Variants in PRKCZ observed in about 807,000 individuals in gnomAD.
The protein encoded by PRKCZ is protein kinase C zeta.
A neutral mutation model predicts 79.5 loss-of-function variants in PRKCZ; 33 were observed. That is an observed-to-expected ratio of 0.41 (90% CI 0.31 to 0.55). PRKCZ has a LOEUF of 0.55. PRKCZ is among the 20% of genes least tolerant of loss of function. The probability of loss-of-function intolerance (pLI) is 0.19; values close to 1 mark genes in which losing one functional copy is unlikely to be tolerated. For missense variants in PRKCZ, 578 were observed against 813.5 expected (o/e 0.71, Z 3.52); for synonymous variants, 342 against 320.9 (o/e 1.07, Z -0.70).
chr1:2,091,780 G>A (rs17232167), intron 4 of PRKCZ, among the ~76,000 whole-genome samples: 15,015 of 152,142 alleles, frequency 0.099, 915 homozygotes, highest in Middle Eastern at 0.15. Context: ...TGTTCCATGC[G>A]GACCCACCGA....
intron 4 of PRKCZ, among the ~76,000 whole-genome samples, chr1:2,086,538 G>A (rs1005242773): frequency 6.6e-6 from 1 of 152,192 alleles, no homozygotes; most frequent in Middle Eastern, 3.2e-3. Flanking sequence ...GCTCGCATCC[G>A]GGCAGCAGGC....
At chr1:2,122,138 C>CACG (rs1168064383) in intron 4 of PRKCZ, among the ~76,000 whole-genome samples, 19 of 4,048 alleles carry the variant, frequency 4.7e-3, no homozygotes, top group Non-Finnish European at 5.6e-3. Flanking sequence ...TGGTTAGGGT[C>CACG]GTGGTGGTTA....
intron 5 of PRKCZ, 55 bp from the exon 6 acceptor site, chr1:2,144,155 C>G: frequency 1.9e-6 from 3 of 1,538,822 alleles, no homozygotes; most frequent in Non-Finnish European, 2.6e-6. Flanking sequence ...CCTGCCTGTC[C>G]TCTCCGCTGG....
Position 2,151,309 on chromosome 1 carries a change from AG to A in PRKCZ, c.876+335del, listed in dbSNP as rs570368965. The stretch of plus-strand genomic sequence containing the variant: ...AGTGCACTGCACACTGCAGGCAGTG[AG>A]GGGACCACCACGAGAGCACTCACGT... On this transcript the variant is annotated intron_variant, in intron 9 of 17. Transcript: ENST00000378567. Among the ~76,000 whole-genome samples the A allele has an allele frequency of 2.3e-3, 358 of 152,382 alleles. 1 individual carries two copies. Among genetic ancestry groups the A allele is most frequent in the African/African-American group, 8.1e-3 (336 of 41,606 alleles).
intron 4 of PRKCZ, among the ~76,000 whole-genome samples, chr1:2,067,247 C>T (rs1242908922): frequency 2.6e-5 from 4 of 152,176 alleles, no homozygotes; most frequent in African/African-American, 7.2e-5. Context: ...GCTGTGGGTA[C>T]AGCGCTCTGC....
chr1:2,109,558 C>G (rs963773729), intron 4 of PRKCZ, among the ~76,000 whole-genome samples: 2 of 152,204 alleles, frequency 1.3e-5, no homozygotes, highest in African/African-American at 2.4e-5. Flanking sequence ...AGGTGTGGGT[C>G]CGGCTGTGGG....
At chr1:2,087,493 A>T (rs374083027) in intron 4 of PRKCZ, among the ~76,000 whole-genome samples, 1 of 152,258 alleles carries the variant, frequency 6.6e-6, no homozygotes, top group African/African-American at 2.4e-5. Flanking sequence ...GCACCTGTGG[A>T]TGGCATCCCG....
chr1:2,060,653 C>T (rs1660591854), intron 4 of PRKCZ, among the ~76,000 whole-genome samples: 2 of 152,248 alleles, frequency 1.3e-5, no homozygotes, highest in African/African-American at 4.8e-5. Context: ...GGGGTCCCTG[C>T]ACCGTGGCCG....
intron 5 of PRKCZ, among the ~76,000 whole-genome samples, chr1:2,138,067 C>G (rs999408990): frequency 6.6e-6 from 1 of 152,206 alleles, no homozygotes; most frequent in Admixed American, 6.5e-5. Flanking sequence ...ACCTCAGAGC[C>G]GCTCCATGTA....
intron 4 of PRKCZ, among the ~76,000 whole-genome samples, chr1:2,068,682 T>A (rs1225815708): frequency 1.3e-5 from 2 of 152,248 alleles, no homozygotes; most frequent in Non-Finnish European, 2.9e-5. Context: ...CATCAAGGTC[T>A]GCCTCTGATC....
chr1:2,107,728 T>C (rs1006957478), intron 4 of PRKCZ, among the ~76,000 whole-genome samples: 1 of 152,046 alleles, frequency 6.6e-6, no homozygotes, highest in Non-Finnish European at 1.5e-5. Context: ...CTCCGGCCTG[T>C]GCCTCTCCGG....
chr1:2,123,823 G>A (rs867045326), intron 4 of PRKCZ, among the ~76,000 whole-genome samples: 12 of 11,156 alleles, frequency 1.1e-3, no homozygotes, highest in Middle Eastern at 0.036. Flanking sequence ...TCACGGCGGT[G>A]GTTAGGGTCA....
At chr1:2,176,437 G>A (rs1303165144) in intron 16 of PRKCZ, among the ~76,000 whole-genome samples, 1 of 152,180 alleles carries the variant, frequency 6.6e-6, no homozygotes, top group African/African-American at 2.4e-5. Flanking sequence ...CTCCACCTAG[G>A]ATGTTTCCAG....
At chr1:2,115,977 G>A (rs1246484587) in intron 4 of PRKCZ, among the ~76,000 whole-genome samples, 1 of 152,218 alleles carries the variant, frequency 6.6e-6, no homozygotes, top group Non-Finnish European at 1.5e-5. Context: ...TCTCTGGACC[G>A]TGGGCTGTGG....
intron 8 of PRKCZ, among the ~76,000 whole-genome samples, chr1:2,150,161 CAAAAAAAAAAA>C (rs750010192): frequency 4.3e-5 from 2 of 46,708 alleles, no homozygotes; most frequent in Non-Finnish European, 4.5e-5. Context: ...GACTCCGTCT[CAAAAAAAAAAA>C]AAAAAAAAAA....
In PRKCZ at chr1:2,082,302, G is replaced by C; in HGVS notation, c.334+22711G>C. On this transcript the variant is annotated intron_variant, in intron 4 of 17. Transcript: ENST00000378567. The surrounding 1 kb of genome is among the most constrained non-coding windows in gnomAD (Gnocchi z 4.4). ...ATCACACGTGCAGGAGCTGGGGGCTGCCAGAGCGGCTGTTCAAGATGGACT... is the reference window on the plus strand; with the variant it reads ...ATCACACGTGCAGGAGCTGGGGGCTCCCAGAGCGGCTGTTCAAGATGGACT... The C allele has an allele frequency of 2.2e-6, 1 of 446,480 alleles. No individual in the cohort carries two copies. Among genetic ancestry groups the C allele is most frequent in the Non-Finnish European group, 4.5e-6 (1 of 221,922 alleles). The allele number at this position is 446,480 out of a possible 1,614,324, so 27.7% of individuals were successfully genotyped here.
At chr1:2,051,560 G>A (rs1571058094) in intron 1 of PRKCZ, among the ~76,000 whole-genome samples, 1 of 152,354 alleles carries the variant, frequency 6.6e-6, no homozygotes, top group Non-Finnish European at 1.5e-5. Flanking sequence ...CAGAATGCGG[G>A]CTCCGGACTT....
At chr1:2,095,610 G>A (rs1287630586) in intron 4 of PRKCZ, among the ~76,000 whole-genome samples, 1 of 151,994 alleles carries the variant, frequency 6.6e-6, no homozygotes, top group East Asian at 1.9e-4. Flanking sequence ...GGTGCCGGCC[G>A]GCTGTGCCCA....
Position 2,174,710 on chromosome 1 carries a change from G to A in PRKCZ, c.1406-44G>A. On this transcript the variant is annotated intron_variant, in intron 14 of 17. Transcript: ENST00000378567. The surrounding 1 kb of genome is among the most constrained non-coding windows in gnomAD (Gnocchi z 6.2). Reference sequence around the variant, plus strand: ...AGAGTCTGGGCGGCACTGGGCAAATGGCACACAACACAGGCAAGTCCTCAC... The same window carrying A: ...AGAGTCTGGGCGGCACTGGGCAAATAGCACACAACACAGGCAAGTCCTCAC... The A allele has an allele frequency of 6.3e-7, 1 of 1,591,854 alleles. No individual in the cohort carries two copies. Among genetic ancestry groups the A allele is most frequent in the Non-Finnish European group, 8.6e-7 (1 of 1,161,280 alleles).
Sources: gnomAD v4.1 joint callset for allele counts (sites outside exome capture counted in the v4.1 genomes callset) on GRCh38, gnomAD v4.1.1 for gene constraint, Gnocchi (gnomAD v3.1) non-coding constraint, MANE v1.5 for transcripts, NCBI Gene and HGNC (gene_info 2026-07-23, HGNC 2026-07-21) for gene names.